PEDS1: variants seen among roughly 807,000 people sequenced by gnomAD.
PEDS1 encodes CarF homolog.
In PEDS1, 14 loss-of-function variants were observed where a neutral mutation model predicts 35.2. The ratio of observed to expected loss-of-function variants is 0.40; its 90% CI spans 0.26 to 0.62. The LOEUF is 0.62. Among genes scored for constraint, PEDS1 ranks in the 20% least tolerant of loss-of-function variants. The pLI is 0.44. For synonymous variants in PEDS1, 152 were observed against 152.0 expected (o/e 1.00, Z 0.00); for missense variants, 260 against 367.8 (o/e 0.71, Z 2.40).
chr20:50,132,603 T>C (rs903557549), intron 2 of PEDS1, among the ~76,000 whole-genome samples: 5 of 152,138 alleles, frequency 3.3e-5, no homozygotes, highest in African/African-American at 4.8e-5. Flanking sequence ...ATCTCCTATG[T>C]ATATTGTTCT....
intron 2 of PEDS1, among the ~76,000 whole-genome samples, chr20:50,140,058 A>T (rs1489107722): frequency 6.6e-6 from 1 of 152,022 alleles, no homozygotes; most frequent in Non-Finnish European, 1.5e-5. Flanking sequence ...TCTGCCGATG[A>T]CCTCTCTCCA....
At chr20:50,146,946 G>A (rs2081351387) in intron 1 of PEDS1, among the ~76,000 whole-genome samples, 1 of 152,160 alleles carries the variant, frequency 6.6e-6, no homozygotes, top group African/African-American at 2.4e-5. Context: ...ATTCTTGTTT[G>A]TAGCCAAGGC....
intron 1 of PEDS1, 49 bp from the exon 2 acceptor site, chr20:50,143,670 C>T: frequency 6.2e-7 from 1 of 1,604,820 alleles, no homozygotes; most frequent in Non-Finnish European, 8.5e-7. Flanking sequence ...CAAGGCCAGG[C>T]AGAGTGTGGC....
chr20:50,136,901 G>A (rs2081241689), intron 2 of PEDS1, among the ~76,000 whole-genome samples: 1 of 151,794 alleles, frequency 6.6e-6, no homozygotes, highest in Non-Finnish European at 1.5e-5. Context: ...GCCAGGTGTG[G>A]TGGCATGTGC....
At chr20:50,136,876 A>T (rs1037183222) in intron 2 of PEDS1, among the ~76,000 whole-genome samples, 2 of 151,988 alleles carry the variant, frequency 1.3e-5, no homozygotes, top group African/African-American at 4.8e-5. Flanking sequence ...GTCTGTATAT[A>T]AAATAACAAA....
rs559733104 is a variant in PEDS1, at chr20:50,129,769, C to T, written c.334-79G>A. The T allele has an allele frequency of 2.2e-5, 34 of 1,567,296 alleles. No individual in the cohort carries two copies. The highest frequency in any genetic ancestry group is 1.2e-4 in the Admixed American group (7 of 56,246). ...CTCCACAGCCCCCTAAACACATTCACCCTGGGCTCACCTCCCGCCTTTGAT... is the reference window on the plus strand; with the variant it reads ...CTCCACAGCCCCCTAAACACATTCATCCTGGGCTCACCTCCCGCCTTTGAT... On this transcript the variant is annotated intron_variant, in intron 3 of 5. Coordinates refer to ENST00000371652, the MANE Select transcript of PEDS1 (RefSeq NM_199129.4). The surrounding 1 kb of genome is among the most constrained non-coding windows in gnomAD (Gnocchi z 4.2).
At position 50,124,900 on chromosome 20, in the gene PEDS1, G is replaced by A; in HGVS notation, c.*158C>T. ...AAGAAATGAAAAATCAGTGGCTCAA[G>A]TATTCTGTGTCATGAGGGGTGGGCT... On this transcript the variant is annotated 3_prime_UTR_variant, in exon 6 of 6. Transcript: ENST00000371652. 1 of 905,582 alleles carries A rather than the reference G, an allele frequency of 1.1e-6. No homozygotes were observed. Among genetic ancestry groups the A allele is most frequent in the South Asian group, 1.8e-5 (1 of 56,800 alleles). The allele number at this position is 905,582 out of a possible 1,614,324, so 56.1% of individuals were successfully genotyped here.
At chr20:50,153,266 T>C (rs1252474771) in intron 1 of PEDS1, among the ~76,000 whole-genome samples, 1 of 151,942 alleles carries the variant, frequency 6.6e-6, no homozygotes, top group Non-Finnish European at 1.5e-5. Flanking sequence ...GGAGCTCCGT[T>C]TGTCGCCCAG....
chr20:50,131,450 C>A (rs372789005), intron 2 of PEDS1, among the ~76,000 whole-genome samples: 1 of 151,824 alleles, frequency 6.6e-6, no homozygotes, highest in Non-Finnish European at 1.5e-5. Flanking sequence ...GGTGAAACCC[C>A]GTCTCTACTA....
intron 3 of PEDS1, 59 bp downstream of exon 3, chr20:50,130,797 A>C (rs1396894318): frequency 3.1e-6 from 5 of 1,601,212 alleles, no homozygotes; most frequent in Non-Finnish European, 4.3e-6. Flanking sequence ...AAGGGGACTC[A>C]CTCAAGGCCA....
chr20:50,128,021 G>T lies in PEDS1; in HGVS notation c.645C>A (p.Arg215=). Reference sequence around the variant, plus strand: ...TCTCGTGGGGTGAGACGTGGTGGATGCGATGGTGTTTACGTGGCAGGATGA... The same window carrying T: ...TCTCGTGGGGTGAGACGTGGTGGATTCGATGGTGTTTACGTGGCAGGATGA... The part of the protein sequence containing the change: ...WHVILPRKHH[R]IHHVSPHETY... The change falls in exon 5 of 6, where the codon CGC becomes CGA. Residue 215 remains arginine (R), a synonymous_variant. Transcript: ENST00000371652. The surrounding 1 kb of genome is among the most constrained non-coding windows in gnomAD (Gnocchi z 5.2). 6.2e-7 allele frequency: 1 copy of T among 1,614,212 alleles called. No homozygotes were observed. The highest frequency in any genetic ancestry group is 1.7e-5 in the Admixed American group (1 of 60,028).
At chr20:50,130,173 A>C (rs2081161087) in intron 3 of PEDS1, among the ~76,000 whole-genome samples, 1 of 152,194 alleles carries the variant, frequency 6.6e-6, no homozygotes, top group African/African-American at 2.4e-5. Flanking sequence ...CCCTCTAGCC[A>C]GTGACTGCCT....
intron 2 of PEDS1, 177 bp from the exon 3 acceptor site, chr20:50,131,124 T>C (rs1601212547): frequency 6.8e-7 from 1 of 1,472,762 alleles, no homozygotes; most frequent in East Asian, 2.5e-5. Context: ...TCCTCCTGCC[T>C]GTTACTTGCT....
At position 50,153,690 on chromosome 20, in the gene PEDS1, G is replaced by C; in HGVS notation, c.-53C>G. ...CTCTGCTGGCGGCGGCGGCGGCAGGGCCGCGGAACCGCGGCGAGATCACGC... is the reference window on the plus strand; with the variant it reads ...CTCTGCTGGCGGCGGCGGCGGCAGGCCCGCGGAACCGCGGCGAGATCACGC... On this transcript the variant is annotated 5_prime_UTR_variant, in exon 1 of 6. Coordinates refer to ENST00000371652, the MANE Select transcript of PEDS1 (RefSeq NM_199129.4). 2 of 1,194,734 alleles carry C rather than the reference G, an allele frequency of 1.7e-6. No homozygotes were observed. Among genetic ancestry groups the C allele is most frequent in the South Asian group, 4.2e-5 (1 of 23,992 alleles). The allele number at this position is 1,194,734 out of a possible 1,614,324, so 74.0% of individuals were successfully genotyped here.
intron 1 of PEDS1, among the ~76,000 whole-genome samples, chr20:50,151,728 G>A (rs2081406171): frequency 6.6e-6 from 1 of 152,098 alleles, no homozygotes; most frequent in African/African-American, 2.4e-5. Flanking sequence ...GCATGGTGGC[G>A]GGCGCCTGTA....
At chr20:50,152,078 A>AC (rs1376613473) in intron 1 of PEDS1, among the ~76,000 whole-genome samples, 1 of 152,120 alleles carries the variant, frequency 6.6e-6, no homozygotes, top group Non-Finnish European at 1.5e-5. Flanking sequence ...ACCCTGGCCT[A>AC]CCCCCAGGAG....
chr20:50,145,262 G>T (rs1185725197), intron 1 of PEDS1, among the ~76,000 whole-genome samples: 1 of 151,976 alleles, frequency 6.6e-6, no homozygotes, highest in Non-Finnish European at 1.5e-5. Flanking sequence ...AGGCCCAGTG[G>T]CTTACTCCTG....
chr20:50,149,529 GA>G (rs2081380582), intron 1 of PEDS1, among the ~76,000 whole-genome samples: 1 of 152,162 alleles, frequency 6.6e-6, no homozygotes, highest in Non-Finnish European at 1.5e-5. Flanking sequence ...CTGCTGCTGG[GA>G]AACTCAGCCC....
In PEDS1 at chr20:50,127,997, C is replaced by T; in HGVS notation, c.669G>A (p.Glu223=). ...CACCTGTGGTGATGCAGAAGTAGGT[C>T]TCGTGGGGTGAGACGTGGTGGATGC... ...HHRIHHVSPH[E]TYFCITTGWL... The change falls in exon 5 of 6, where the codon GAG becomes GAA. Residue 223 remains glutamate, a synonymous_variant. Transcript: ENST00000371652. 6.2e-7 allele frequency: 1 copy of T among 1,614,098 alleles called. No homozygotes were observed. The highest frequency in any genetic ancestry group is 8.5e-7 in the Non-Finnish European group (1 of 1,180,000).
Sources: gnomAD v4.1 joint callset for allele counts (sites outside exome capture counted in the v4.1 genomes callset) on GRCh38, gnomAD v4.1.1 for gene constraint, Gnocchi (gnomAD v3.1) non-coding constraint, MANE v1.5 for transcripts, NCBI Gene and HGNC (gene_info 2026-07-23, HGNC 2026-07-21) for gene names.